The following PDIA4 variants were observed in gnomAD, a reference collection of about 807,000 sequenced individuals.
The protein encoded by PDIA4 is protein disulfide-isomerase A4.
A neutral mutation model predicts 62.1 loss-of-function variants in PDIA4; 33 were observed. The observed-to-expected ratio is 0.53, with a 90% confidence interval of 0.40 to 0.71. The LOEUF is 0.71. PDIA4 is among the 30% of genes least tolerant of loss of function. The probability of loss-of-function intolerance (pLI) is 0.00; values close to 1 mark genes in which losing one functional copy is unlikely to be tolerated. For missense variants in PDIA4, 804 were observed against 813.6 expected, an observed-to-expected ratio of 0.99 and a Z score of 0.14; for synonymous variants, 341 against 324.1, an observed-to-expected ratio of 1.05 and a Z score of -0.56.
At chr7:149,024,842 A>G (rs1433192917) in intron 1 of PDIA4, among the ~76,000 whole-genome samples, 1 of 121,528 alleles carries the variant, frequency 8.2e-6, no homozygotes, top group Non-Finnish European at 1.7e-5. Flanking sequence ...AAAAAAAAAA[A>G]GGCCAGGTGT....
In PDIA4 at chr7:149,028,458, A is replaced by C; in HGVS notation, c.-50T>G. On this transcript the variant is annotated 5_prime_UTR_variant, in exon 1 of 10. Coordinates refer to ENST00000652332, the MANE Select transcript of PDIA4 (RefSeq NM_004911.5). ...CCTAGCGTCGGCGGCCGCTGAGCGC[A>C]CCGAGAACTCGGGGTCTGGCCGACA... 7.7e-7 allele frequency: 1 copy of C among 1,302,016 alleles called. No homozygotes were observed. Among genetic ancestry groups the C allele is most frequent in the Non-Finnish European group, 1.0e-6 (1 of 977,662 alleles). 80.7% of individuals were successfully genotyped at this position (1,302,016 alleles called of 1,614,324 possible). A position where few individuals can be genotyped will look rare whatever the true frequency, so the allele number is the denominator to read the frequency against.
intron 6 of PDIA4, 97 bp downstream of exon 6, chr7:149,011,749 C>A: frequency 1.0e-6 from 1 of 988,302 alleles, no homozygotes; most frequent in Non-Finnish European, 1.5e-6. Context: ...ATCAAACCAC[C>A]CCCTAATGGA....
In PDIA4 at chr7:149,028,435, T is replaced by C; in HGVS notation, c.-27A>G. 7.0e-6 allele frequency: 10 copies of C among 1,426,968 alleles called. No homozygotes were observed. The highest frequency in any genetic ancestry group is 1.3e-5 in the South Asian group (1 of 74,872). The allele number at this position is 1,426,968 out of a possible 1,614,324, so 88.4% of individuals were successfully genotyped here. Reference sequence around the variant, plus strand: ...GTAGCGGGGGCGGAGCGCGGCCTCCTAGCGTCGGCGGCCGCTGAGCGCACC... The same window carrying C: ...GTAGCGGGGGCGGAGCGCGGCCTCCCAGCGTCGGCGGCCGCTGAGCGCACC... On this transcript the variant is annotated 5_prime_UTR_variant, in exon 1 of 10. Coordinates refer to ENST00000652332, the MANE Select transcript of PDIA4 (RefSeq NM_004911.5).
intron 6 of PDIA4, among the ~76,000 whole-genome samples, chr7:149,010,458 C>T (rs1241817060): frequency 9.9e-6 from 1 of 100,938 alleles, no homozygotes; most frequent in Non-Finnish European, 2.5e-5. Context: ...CACACCACTG[C>T]AGTCCAGCCT....
intron 1 of PDIA4, chr7:149,028,020 G>A: frequency 1.7e-6 from 1 of 598,400 alleles, no homozygotes; most frequent in East Asian, 3.8e-5. Flanking sequence ...GGACCCAGCT[G>A]CAAAAAAGGC....
intron 7 of PDIA4, among the ~76,000 whole-genome samples, chr7:149,006,867 GA>G (rs776274973): frequency 6.6e-6 from 1 of 152,214 alleles, no homozygotes; most frequent in African/African-American, 2.4e-5. Flanking sequence ...ACTCAGCAGG[GA>G]AACGCCAGAA....
intron 1 of PDIA4, among the ~76,000 whole-genome samples, chr7:149,027,092 C>G (rs1824584823): frequency 6.6e-6 from 1 of 152,242 alleles, no homozygotes; most frequent in Non-Finnish European, 1.5e-5. Context: ...TGGTCCTCAA[C>G]TTTCACTGTG....
In PDIA4 at chr7:149,021,551, C is replaced by CG. The variant is rs763591949; in HGVS notation, c.89-405dup. On this transcript the variant is annotated intron_variant, in intron 1 of 9. Coordinates refer to ENST00000652332, the MANE Select transcript of PDIA4 (RefSeq NM_004911.5). ...ATACACTTCAGAATGTGTCAAGTCC[C>CG]GGGTGGTCCCTGGGGGCCCACCACG... is the stretch of plus-strand genomic sequence containing the variant. 1.6e-4 allele frequency among the ~76,000 whole-genome samples: 24 copies of CG among 151,848 alleles called. No homozygotes were observed. In the East Asian group the frequency reaches 2.5e-3, roughly 16 times the overall value.
At chr7:149,026,188 GT>G (rs1410279676) in intron 1 of PDIA4, among the ~76,000 whole-genome samples, 2 of 152,182 alleles carry the variant, frequency 1.3e-5, no homozygotes, top group African/African-American at 4.8e-5. Context: ...TCTATGACAG[GT>G]TTTGACAGTG....
chr7:149,005,925 A>G lies in PDIA4; in HGVS notation c.1260T>C (p.Ser420=), dbSNP rs1159755146. ...CTCTGTAATCAAAGCTGAAGTCCAC[A>G]CTGTAGTAGACGACCACCAGGGGGC... The part of the protein sequence containing the change: ...TRRPLVVVYY[S]VDFSFDYRAA... Residue 420 remains serine, a synonymous_variant, in exon 8 of 10, where the codon AGT becomes AGC. Transcript: ENST00000652332. 6.6e-7 allele frequency: 1 copy of G among 1,524,234 alleles called. No homozygotes were observed. The highest frequency in any genetic ancestry group is 8.7e-7 in the Non-Finnish European group (1 of 1,146,998). 94.4% of individuals were successfully genotyped at this position (1,524,234 alleles called of 1,614,324 possible).
At chr7:149,019,339 G>T in intron 2 of PDIA4, 142 bp from the exon 3 acceptor site, 1 of 673,764 alleles carries the variant, frequency 1.5e-6, no homozygotes, top group Non-Finnish European at 2.7e-6. Flanking sequence ...GGCAGTGTTG[G>T]GAGATGGGAC....
chr7:149,004,853 G>A (rs1407157742), intron 9 of PDIA4, among the ~76,000 whole-genome samples: 1 of 152,218 alleles, frequency 6.6e-6, no homozygotes, highest in African/African-American at 2.4e-5. Context: ...GATGGACTCC[G>A]AATCTTGCTT....
At chr7:149,008,046 G>T in intron 7 of PDIA4, 113 bp downstream of exon 7, 1 of 1,016,338 alleles carries the variant, frequency 9.8e-7, no homozygotes, top group Non-Finnish European at 1.4e-6. Context: ...AGGAGTTCCA[G>T]ACCCTGCAGA....
chr7:149,028,344 G>A lies in PDIA4; in HGVS notation c.65C>T (p.Ala22Val), dbSNP rs1198096739. ...ACCCTCGTCCGGGCCCTCGGCACCC[G>A]CCACGGCCAGCAGCTGCACCAGCCC... Reference protein sequence around the residue: ...LLGLVQLLAVAGAEGPDEDSS... With the variant: ...LLGLVQLLAVVGAEGPDEDSS... Residue 22 changes from alanine (A) to valine (V), a missense_variant, in exon 1 of 10, where the codon GCG (alanine) becomes GTG (valine). Transcript: ENST00000652332. The A allele has an allele frequency of 2.2e-5, 33 of 1,524,524 alleles. No individual in the cohort carries two copies. The highest frequency in any genetic ancestry group is 2.5e-5 in the Non-Finnish European group (28 of 1,138,246). 94.4% of individuals were successfully genotyped at this position (1,524,524 alleles called of 1,614,324 possible).
At chr7:149,017,628 CAAAAT>C (rs776114067) in intron 3 of PDIA4, among the ~76,000 whole-genome samples, 11 of 148,366 alleles carry the variant, frequency 7.4e-5, no homozygotes, top group Non-Finnish European at 1.5e-4. Flanking sequence ...AATATTTTAT[CAAAAT>C]AAAATTAAAT....
chr7:149,010,359 G>T (rs1481512220), intron 6 of PDIA4, among the ~76,000 whole-genome samples: 1 of 152,152 alleles, frequency 6.6e-6, no homozygotes, highest in African/African-American at 2.4e-5. Flanking sequence ...TGGATGTGGT[G>T]GCGCTCACCT....
At chr7:149,028,285 A>C (rs1408082116) in intron 1 of PDIA4, 36 bp downstream of exon 1, 30 of 1,467,180 alleles carry the variant, frequency 2.0e-5, no homozygotes, top group Non-Finnish European at 2.7e-5. Context: ...CAGCCCCCGC[A>C]AGCACAGCCC....
intron 4 of PDIA4, among the ~76,000 whole-genome samples, chr7:149,012,645 T>C (rs1432844524): frequency 1.3e-5 from 2 of 152,060 alleles, no homozygotes; most frequent in African/African-American, 2.4e-5. Flanking sequence ...GGGGAAAACA[T>C]GGAGAGGCCA....
At chr7:149,014,866 AG>A (rs758564122) in intron 4 of PDIA4, 37 bp downstream of exon 4, 1 of 1,600,818 alleles carries the variant, frequency 6.2e-7, no homozygotes, top group Admixed American at 1.7e-5. Context: ...AGTGCCCACC[AG>A]GGTACTGAAT....
Sources: gnomAD v4.1 joint callset for allele counts (sites outside exome capture counted in the v4.1 genomes callset) on GRCh38, gnomAD v4.1.1 for gene constraint, MANE v1.5 for transcripts, NCBI Gene and HGNC (gene_info 2026-07-23, HGNC 2026-07-21) for gene names.